The following DPH1 variants were observed in gnomAD, a reference collection of about 807,000 sequenced individuals.
DPH1 encodes diphthamide biosynthesis 1, also known as 2-(3-amino-3-carboxypropyl)histidine synthase subunit 1.
Under a neutral mutation model 55.3 loss-of-function variants are expected in DPH1, and 59 were observed. The ratio of observed to expected loss-of-function variants is 1.07; its 90% CI spans 0.87 to 1.33. The LOEUF (loss-of-function observed/expected upper bound fraction) is 1.33. Among genes scored for constraint, DPH1 ranks in the 40% most tolerant of loss-of-function variants. The pLI, the probability that DPH1 is intolerant of heterozygous loss-of-function variation, is 0.00. For synonymous variants in DPH1, 238 were observed against 235.5 expected, an observed-to-expected ratio of 1.01 and a Z score of -0.10; for missense variants, 628 against 584.8, an observed-to-expected ratio of 1.07 and a Z score of -0.76.
chr17:2,035,602 C>A (rs1022831850), intron 3 of DPH1, among the ~76,000 whole-genome samples: 1 of 149,698 alleles, frequency 6.7e-6, no homozygotes, highest in African/African-American at 2.5e-5. Context: ...GCACTCAGCG[C>A]GGGAGTGAGG....
intron 6 of DPH1, among the ~76,000 whole-genome samples, chr17:2,037,609 G>A (rs569023129): frequency 1.5e-3 from 223 of 152,282 alleles, no homozygotes; most frequent in African/African-American, 4.7e-3. Flanking sequence ...CTGTGCCCAC[G>A]TCACTCAGTC....
At position 2,043,194 on chromosome 17, in the gene DPH1, T is replaced by G; in HGVS notation, c.*608T>G. 1 of 1,424,682 alleles carries G rather than the reference T, an allele frequency of 7.0e-7. No homozygotes were observed. Among genetic ancestry groups the G allele is most frequent in the Non-Finnish European group, 9.5e-7 (1 of 1,047,644 alleles). 88.3% of individuals were successfully genotyped at this position (1,424,682 alleles called of 1,614,324 possible). A position where few individuals can be genotyped will look rare whatever the true frequency, so the allele number is the denominator to read the frequency against. On this transcript the variant is annotated 3_prime_UTR_variant, in exon 13 of 13. Coordinates refer to ENST00000263083, the MANE Select transcript of DPH1 (RefSeq NM_001383.6). The stretch of plus-strand genomic sequence containing the variant: ...CCTCCCAGGACCCTCCACTCACTGC[T>G]GTGAGTGCGCCTCACCAGAACCAGT...
At chr17:2,042,444 T>TA in intron 12 of DPH1, 161 bp from the exon 13 acceptor site, 1 of 1,285,110 alleles carries the variant, frequency 7.8e-7, no homozygotes, top group Non-Finnish European at 1.0e-6. Context: ...TGTCTCCTGT[T>TA]CAGGCCAATC....
chr17:2,030,969 C>A (rs960887019), intron 1 of DPH1, among the ~76,000 whole-genome samples: 18 of 152,246 alleles, frequency 1.2e-4, no homozygotes, highest in Non-Finnish European at 2.5e-4. Context: ...GGTGAAGCCT[C>A]ATGTCTGGGC....
intron 12 of DPH1, 160 bp from the exon 13 acceptor site, chr17:2,042,445 C>T (rs1193683986): frequency 1.6e-6 from 2 of 1,283,444 alleles, no homozygotes; most frequent in East Asian, 2.7e-5. Flanking sequence ...GTCTCCTGTT[C>T]AGGCCAATCC....
chr17:2,039,689 T>C, intron 6 of DPH1, 66 bp from the exon 7 acceptor site: 1 of 1,608,966 alleles, frequency 6.2e-7, no homozygotes, highest in Non-Finnish European at 8.5e-7. Context: ...CCCTGTGGAC[T>C]TCTAAGCCAG....
At position 2,041,133 on chromosome 17, in the gene DPH1, C is replaced by T. The variant is rs1303955675; in HGVS notation, c.1038C>T (p.Ser346=). Residue 346 remains serine, a synonymous_variant, in exon 10 of 13, where the codon TCC becomes TCT. Coordinates refer to ENST00000263083, the MANE Select transcript of DPH1 (RefSeq NM_001383.6). ...TGCAGGTGGCATGTCCACGTCTCTC[C>T]ATTGACTGGGGCACAGCCTTCCCCA... The part of the protein sequence containing the change: ...VWVQVACPRL[S]IDWGTAFPKP... 3 of 1,605,558 alleles carry T rather than the reference C, an allele frequency of 1.9e-6. No homozygotes were observed. The African/African-American group carries it at 4.0e-5, about 21-fold the overall frequency.
chr17:2,036,761 G>A lies in DPH1; in HGVS notation c.559-74G>A, dbSNP rs2067433251. Reference sequence around the variant, plus strand: ...TCTCCAGCTGTTGCGGGATCCCCAGGTGCTCCAGGCTGTTTCTCAGCCCTG... The same window carrying A: ...TCTCCAGCTGTTGCGGGATCCCCAGATGCTCCAGGCTGTTTCTCAGCCCTG... On this transcript the variant is annotated intron_variant, in intron 5 of 12. Transcript: ENST00000263083. This position sits in a 1 kb window ranked among gnomAD's most constrained non-coding sequence, Gnocchi z 4.8. The A allele has an allele frequency of 1.2e-6, 2 of 1,607,462 alleles. No homozygotes were observed. The highest frequency in any genetic ancestry group is 1.1e-5 in the South Asian group (1 of 90,448).
In DPH1 at chr17:2,041,670, C is replaced by T. The variant is rs774986078; in HGVS notation, c.1227+49C>T. On this transcript the variant is annotated intron_variant, in intron 11 of 12. Coordinates refer to ENST00000263083, the MANE Select transcript of DPH1 (RefSeq NM_001383.6). ...AGGAGAGACCGCGCCTGGGCACTGG[C>T]CGCCGCCCTGCGACCGCGACGGGAA... The T allele has an allele frequency of 5.4e-5, 86 of 1,581,342 alleles. No individual in the cohort carries two copies. In the Middle Eastern group the frequency reaches 1.5e-3, roughly 28 times the overall value.
rs141451720 is a variant in DPH1 at position 2,040,858 on chromosome 17, C to G, written c.1008-245C>G. The G allele has an allele frequency of 1.7e-4, 107 of 625,890 alleles. No individual in the cohort carries two copies. In the African/African-American group the frequency reaches 1.8e-3, roughly 11 times the overall value. The allele number at this position is 625,890 out of a possible 1,614,324, so 38.8% of individuals were successfully genotyped here. ...GCTGACACCTGCCCTGTACCAGGTACTAAATGTGGTTCTGGGGATACTATC... is the reference window on the plus strand; with the variant it reads ...GCTGACACCTGCCCTGTACCAGGTAGTAAATGTGGTTCTGGGGATACTATC... On this transcript the variant is annotated intron_variant, in intron 9 of 12. Coordinates refer to ENST00000263083, the MANE Select transcript of DPH1 (RefSeq NM_001383.6).
Position 2,035,823 on chromosome 17 carries a change from G to T in DPH1, c.279-147G>T, listed in dbSNP as rs1030124521. On this transcript the variant is annotated intron_variant, in intron 3 of 12. Transcript: ENST00000263083. ...GGCAGCTGTGCCCCTCCTAATCTTTGTTGGCAGAAGTGGCAGCTGCCATCC... is the reference window on the plus strand; with the variant it reads ...GGCAGCTGTGCCCCTCCTAATCTTTTTTGGCAGAAGTGGCAGCTGCCATCC... 4 of 1,286,990 alleles carry T rather than the reference G, an allele frequency of 3.1e-6. No individual in the cohort carries two copies. In the African/African-American group the frequency reaches 5.9e-5, roughly 19 times the overall value. 79.7% of individuals were successfully genotyped at this position (1,286,990 alleles called of 1,614,324 possible). A position where few individuals can be genotyped will look rare whatever the true frequency, so the allele number is the denominator to read the frequency against.
Position 2,030,196 on chromosome 17 carries a change from A to C in DPH1, c.27A>C (p.Ala9=), listed in dbSNP as rs972741323. 1.9e-6 allele frequency: 3 copies of C among 1,602,360 alleles called. No individual in the cohort carries two copies. Among genetic ancestry groups the C allele is most frequent in the African/African-American group, 2.7e-5 (2 of 74,996 alleles). Residue 9 remains alanine, a synonymous_variant, in exon 1 of 13, where the codon GCA becomes GCC. Coordinates refer to ENST00000263083, the MANE Select transcript of DPH1 (RefSeq NM_001383.6). ...TGGCGGCGCTGGTCGTATCCGGGGCAGCGGAGCAGGGCGGCCGAGACGGCC... is the reference window on the plus strand; with the variant it reads ...TGGCGGCGCTGGTCGTATCCGGGGCCGCGGAGCAGGGCGGCCGAGACGGCC... MAALVVSG[A]AEQGGRDGPG... is the part of the protein sequence containing the mutation.
chr17:2,035,783 C>G (rs569291153), intron 3 of DPH1, among the ~76,000 whole-genome samples, 187 bp from the exon 4 acceptor site: 66 of 152,178 alleles, frequency 4.3e-4, no homozygotes, highest in African/African-American at 1.5e-3. Context: ...GAGCGGCTGC[C>G]AGGCTGGGGC....
intron 1 of DPH1, 143 bp from the exon 2 acceptor site, chr17:2,033,362 G>T: frequency 8.0e-7 from 1 of 1,251,644 alleles, no homozygotes; most frequent in Non-Finnish European, 1.1e-6. Context: ...TAAGATGCCT[G>T]GGATTTTTCT....
At chr17:2,041,660 TG>T (rs1434746813) in intron 11 of DPH1, 39 bp downstream of exon 11, 2 of 1,588,206 alleles carry the variant, frequency 1.3e-6, no homozygotes, top group East Asian at 2.3e-5. Flanking sequence ...AGACCGCGCC[TG>T]GGCACTGGCC....
At position 2,040,338 on chromosome 17, in the gene DPH1, C is replaced by T. The variant is rs759104557; in HGVS notation, c.870C>T (p.Gly290=). The change falls in exon 8 of 13, where the codon GGC becomes GGT. Residue 290 remains glycine (G), a synonymous_variant. Coordinates refer to ENST00000263083, the MANE Select transcript of DPH1 (RefSeq NM_001383.6). ...RSAKSWGLIL[G]TLGRQGSPKI... is the part of the protein sequence containing the mutation. ...CTAAGTCCTGGGGCCTTATTCTGGG[C>T]ACTTTGGGCCGCCAGGGCAGTCCTA... The T allele has an allele frequency of 1.2e-6, 2 of 1,613,898 alleles. No individual in the cohort carries two copies. Among genetic ancestry groups the T allele is most frequent in the Admixed American group, 3.3e-5 (2 of 60,010 alleles).
rs1489784277 is a variant in DPH1 at position 2,043,412 on chromosome 17, A to G, written c.*826A>G. On this transcript the variant is annotated 3_prime_UTR_variant, in exon 13 of 13. Transcript: ENST00000263083. ...CACCATGGTGACTGCCACATAATAA[A>G]GTGGTGATTTGGATTTTGAGCATCT... 1 of 307,022 alleles carries G rather than the reference A, an allele frequency of 3.3e-6. No homozygotes were observed. Among genetic ancestry groups the G allele is most frequent in the Non-Finnish European group, 6.0e-6 (1 of 165,722 alleles). The allele number at this position is 307,022 out of a possible 1,614,324, so 19.0% of individuals were successfully genotyped here.
chr17:2,036,542 C>G lies in DPH1; in HGVS notation c.414C>G (p.Thr138=). ...TCCCTCCCACAGTTCCCATGGACAC[C>G]TCGGCCCAAGACTTCCGGGTGCTGT... ...YGHSCLIPMD[T]SAQDFRVLYV... is the part of the protein sequence containing the mutation. Residue 138 remains threonine, a synonymous_variant, in exon 5 of 13, where the codon ACC becomes ACG. Transcript: ENST00000263083. The surrounding 1 kb of genome is among the most constrained non-coding windows in gnomAD (Gnocchi z 4.8). 6.2e-7 allele frequency: 1 copy of G among 1,614,064 alleles called. No homozygotes were observed. Among genetic ancestry groups the G allele is most frequent in the Non-Finnish European group, 8.5e-7 (1 of 1,179,974 alleles).
chr17:2,030,144 T>C (rs2067309954), upstream of DPH1: 1 of 1,596,824 alleles, frequency 6.3e-7, no homozygotes, highest in Non-Finnish European at 8.5e-7. Flanking sequence ...GCGCTGTCTT[T>C]TTAGTACCAC....
Sources: gnomAD v4.1 joint callset for allele counts (sites outside exome capture counted in the v4.1 genomes callset) on GRCh38, gnomAD v4.1.1 for gene constraint, Gnocchi (gnomAD v3.1) non-coding constraint, MANE v1.5 for transcripts, NCBI Gene and HGNC (gene_info 2026-07-23, HGNC 2026-07-21) for gene names.